Variants in FTCD observed in about 807,000 individuals in gnomAD.
FTCD encodes formimidoyltransferase cyclodeaminase.
FTCD carries 76 observed loss-of-function variants against 62.9 expected under a neutral mutation model. The ratio of observed to expected loss-of-function variants is 1.21; its 90% CI spans 1.00 to 1.46. FTCD has a LOEUF of 1.46. Ranked by LOEUF, FTCD falls within the 40% of genes most tolerant of loss-of-function variation. The pLI, the probability that FTCD is intolerant of heterozygous loss-of-function variation, is 0.00. For missense variants in FTCD, 845 were observed against 751.3 expected, an observed-to-expected ratio of 1.12 and a Z score of -1.46; for synonymous variants, 397 against 336.9, an observed-to-expected ratio of 1.18 and a Z score of -1.95.
intron 13 of FTCD, 56 bp from the exon 14 acceptor site, chr21:46,137,129 T>C (rs2078886962): frequency 1.2e-6 from 2 of 1,610,378 alleles, no homozygotes; most frequent in Non-Finnish European, 1.7e-6. Context: ...CCCAGCTTGC[T>C]GGGCAGCAAC....
intron 10 of FTCD, among the ~76,000 whole-genome samples, chr21:46,141,038 G>C (rs1253267676): frequency 6.6e-6 from 1 of 152,202 alleles, no homozygotes; most frequent in Non-Finnish European, 1.5e-5. Context: ...TTTCCTTCCT[G>C]TCCCTTGATT....
chr21:46,146,634 C>T (rs1219077680), intron 7 of FTCD: 4 of 523,084 alleles, frequency 7.6e-6, no homozygotes, highest in Non-Finnish European at 1.4e-5. Context: ...CAAACTGCTG[C>T]TCATGCTTCG....
chr21:46,143,669 C>G (rs1170629523), intron 10 of FTCD, among the ~76,000 whole-genome samples: 1 of 152,212 alleles, frequency 6.6e-6, no homozygotes, highest in Non-Finnish European at 1.5e-5. Flanking sequence ...CAGGCCTGGG[C>G]AGGGCCACTA....
In FTCD at chr21:46,151,554, T is replaced by C. The variant is rs771135429; in HGVS notation, c.636+4A>G. 46 of 1,611,436 alleles carry C rather than the reference T, an allele frequency of 2.9e-5. 1 individual carries two copies. The South Asian group carries it at 3.5e-4, about 12-fold the overall frequency. ...GGCTCCATGGGGTCAGTGAACGGGG[T>C]CACCTGGTCCTTCCCGCGGCCCTGC... is the stretch of plus-strand genomic sequence containing the variant. On this transcript the variant is annotated splice_donor_region_variant and intron_variant, in intron 5 of 13. Coordinates refer to ENST00000397746, the MANE Select transcript of FTCD (RefSeq NM_206965.2).
chr21:46,150,351 C>A, intron 6 of FTCD, 37 bp downstream of exon 6: 1 of 1,610,872 alleles, frequency 6.2e-7, no homozygotes, highest in Non-Finnish European at 8.5e-7. Context: ...CAGATCGGCT[C>A]GCCCCTCACA....
In FTCD at chr21:46,136,950, G is replaced by C; in HGVS notation, c.*37C>G. On this transcript the variant is annotated 3_prime_UTR_variant, in exon 14 of 14. Transcript: ENST00000397746. ...GCTCTGCCCTCTGGGGATGGGCGAG[G>C]GAGGGGCCACAGAGCCCGGAGAGGC... is the stretch of plus-strand genomic sequence containing the variant. The C allele has an allele frequency of 6.2e-7, 1 of 1,612,622 alleles. No individual in the cohort carries two copies. The highest frequency in any genetic ancestry group is 8.5e-7 in the Non-Finnish European group (1 of 1,179,864).
chr21:46,140,314 G>A (rs572267584), intron 10 of FTCD, among the ~76,000 whole-genome samples: 20 of 145,890 alleles, frequency 1.4e-4, no homozygotes, highest in Admixed American at 4.1e-4. Flanking sequence ...AGCCCTCCCC[G>A]TCCACCTTCG....
Position 46,150,037 on chromosome 21 carries a change from C to T in FTCD, c.906+82G>A. ...GGGGAGGAGGGGGAGGGAAGCTGCG[C>T]CCCAGGGCTGTGAGCTCCGCCACCG... is the stretch of plus-strand genomic sequence containing the variant. On this transcript the variant is annotated intron_variant, in intron 7 of 13. Transcript: ENST00000397746. 3 of 1,288,212 alleles carry T rather than the reference C, an allele frequency of 2.3e-6. No homozygotes were observed. The South Asian group carries it at 3.8e-5, about 16-fold the overall frequency. The allele number at this position is 1,288,212 out of a possible 1,614,324, so 79.8% of individuals were successfully genotyped here.
At chr21:46,153,577 C>T (rs1601353744) in intron 2 of FTCD, among the ~76,000 whole-genome samples, 1 of 152,336 alleles carries the variant, frequency 6.6e-6, no homozygotes, top group Non-Finnish European at 1.5e-5. Context: ...GGACGCCAGC[C>T]TCCCCCGCCT....
chr21:46,151,661 G>A lies in FTCD; in HGVS notation c.533C>T (p.Ala178Val), dbSNP rs775776905. ...GTTAAAAGCAATGAGGAACTTCCTC[G>A]CCCCCGTGGCCGTGGCCCCCCAACT... ...VPSWGATATG[A>V]RKFLIAFNIN... Residue 178 changes from alanine to valine, a missense_variant, in exon 5 of 14, where the codon GCG becomes GTG. Transcript: ENST00000397746. 3.7e-6 allele frequency: 6 copies of A among 1,612,944 alleles called. No homozygotes were observed. The highest frequency in any genetic ancestry group is 1.7e-4 in the Middle Eastern group (1 of 6,060).
Position 46,137,011 on chromosome 21 carries a change from G to C in FTCD, c.1602C>G (p.Asp534Glu). ...GTCACTCCTGCCGGGTCTCCAAGCA[G>C]TCCAGCACCAGTGCAGCCTGGGTCT... is the stretch of plus-strand genomic sequence containing the variant. ...EAKTQAALVL[D>E]CLETRQE is the part of the protein sequence containing the mutation. The change falls in exon 14 of 14, where the codon GAC becomes GAG. Residue 534 changes from aspartate (D) to glutamate (E), a missense_variant. Asp to Glu is a conservative substitution (Grantham distance 45). Transcript: ENST00000397746. 1 of 1,613,556 alleles carries C rather than the reference G, an allele frequency of 6.2e-7. No homozygotes were observed. Among genetic ancestry groups the C allele is most frequent in the Non-Finnish European group, 8.5e-7 (1 of 1,179,992 alleles).
At chr21:46,155,145 G>A (rs1249366217) in intron 1 of FTCD, among the ~76,000 whole-genome samples, 2 of 152,202 alleles carry the variant, frequency 1.3e-5, no homozygotes, top group Admixed American at 6.5e-5. Flanking sequence ...TCAGTGGCAG[G>A]AGCCCCATTT....
In FTCD at chr21:46,154,423, G is replaced by A. The variant is rs1244088710; in HGVS notation, c.55-91C>T. 4.2e-6 allele frequency: 6 copies of A among 1,437,938 alleles called. No individual in the cohort carries two copies. The South Asian group carries it at 4.9e-5, about 12-fold the overall frequency. 89.1% of individuals were successfully genotyped at this position (1,437,938 alleles called of 1,614,324 possible). On this transcript the variant is annotated intron_variant, in intron 1 of 13. Transcript: ENST00000397746. Reference sequence around the variant, plus strand: ...GGTGGCTGCACCCCGAGACACAAATGGGGGCTGAGGAGGCGGGCCAAGCCT... The same window carrying A: ...GGTGGCTGCACCCCGAGACACAAATAGGGGCTGAGGAGGCGGGCCAAGCCT...
chr21:46,150,274 C>T, intron 6 of FTCD, 24 bp from the exon 7 acceptor site: 2 of 1,608,658 alleles, frequency 1.2e-6, no homozygotes, highest in Non-Finnish European at 1.7e-6. Context: ...GGCAGCGTCA[C>T]CCCCTGGGGG....
In FTCD at chr21:46,140,148, C is replaced by G. The variant is rs187187445; in HGVS notation, c.1261-1225G>C. On this transcript the variant is annotated intron_variant, in intron 10 of 13. Transcript: ENST00000397746. ...TGCATTGCTCAGAGGGAGCATAAAC[C>G]AATCCAGCACTCCCCGTCCACCTTC... is the stretch of plus-strand genomic sequence containing the variant. 3.1e-3 allele frequency among the ~76,000 whole-genome samples: 477 copies of G among 152,332 alleles called. 4 individuals carry two copies. Among genetic ancestry groups the G allele is most frequent in the African/African-American group, 0.011 (442 of 41,562 alleles).
At chr21:46,136,610 G>T, downstream of FTCD, 2 of 1,514,260 alleles carry the variant, frequency 1.3e-6, no homozygotes, top group East Asian at 2.5e-5. Flanking sequence ...ACTGTGGGCT[G>T]CACTGGGTGT....
At chr21:46,150,013 G>A (rs2079228197) in intron 7 of FTCD, 106 bp downstream of exon 7, 2 of 1,039,168 alleles carry the variant, frequency 1.9e-6, no homozygotes, top group Non-Finnish European at 2.9e-6. Context: ...AAAATGAAGG[G>A]GGAGGAGGGG....
In FTCD at chr21:46,145,878, C is replaced by T. The variant is rs1397732544; in HGVS notation, c.1038G>A (p.Glu346=). 2.7e-6 allele frequency: 4 copies of T among 1,479,360 alleles called. No individual in the cohort carries two copies. The South Asian group carries it at 3.8e-5, about 14-fold the overall frequency. 91.6% of individuals were successfully genotyped at this position (1,479,360 alleles called of 1,614,324 possible). A position where few individuals can be genotyped will look rare whatever the true frequency, so the allele number is the denominator to read the frequency against. ...CGGGGGCCGCAGAGCGGGCACCCAC[C>T]TCCCCCACGAAGGCGCGCAGGGACT... The part of the protein sequence containing the change: ...GSKSLRAFVG[E]VGARSAAPGG... Residue 346 remains glutamate (E), a synonymous_variant, in exon 9 of 14, where the codon GAG becomes GAA. Coordinates refer to ENST00000397746, the MANE Select transcript of FTCD (RefSeq NM_206965.2).
chr21:46,136,747 C>A, downstream of FTCD: 1 of 1,489,096 alleles, frequency 6.7e-7, no homozygotes, highest in South Asian at 1.4e-5. Flanking sequence ...GCTCTCAGCC[C>A]TGCCCCCAAA....
Sources: gnomAD v4.1 joint callset for allele counts (sites outside exome capture counted in the v4.1 genomes callset) on GRCh38, gnomAD v4.1.1 for gene constraint, MANE v1.5 for transcripts, NCBI Gene and HGNC (gene_info 2026-07-23, HGNC 2026-07-21) for gene names.